The following PCDHA2 variants were observed in gnomAD, a reference collection of about 807,000 sequenced individuals.
PCDHA2 encodes protocadherin alpha 2.
A neutral mutation model predicts 66.0 loss-of-function variants in PCDHA2; 58 were observed. The observed-to-expected ratio is 0.88, with a 90% CI of 0.71 to 1.09. PCDHA2 has a LOEUF of 1.09. PCDHA2 is among the 50% of genes least tolerant of loss of function. The probability of loss-of-function intolerance (pLI) is 0.00; values close to 1 mark genes in which losing one functional copy is unlikely to be tolerated. For missense variants in PCDHA2, 1,267 were observed against 1,242.3 expected (o/e 1.02, Z -0.30); for synonymous variants, 634 against 554.0 (o/e 1.14, Z -2.03).
chr5:140,845,640 T>C (rs1256673286), intron 1 of PCDHA2, among the ~76,000 whole-genome samples: 1 of 149,636 alleles, frequency 6.7e-6, no homozygotes, highest in Non-Finnish European at 1.5e-5. Flanking sequence ...AATCAAGTCC[T>C]CCCTTTACCA....
intron 1 of PCDHA2, among the ~76,000 whole-genome samples, chr5:140,855,328 G>C (rs1554147750): frequency 6.7e-6 from 1 of 149,766 alleles, no homozygotes; most frequent in East Asian, 1.9e-4. Context: ...GGAGGGAGAG[G>C]TTAAACGATT....
intron 1 of PCDHA2, chr5:140,811,762 A>G (rs1293398991): frequency 2.0e-5 from 3 of 152,124 alleles, no homozygotes; most frequent in African/African-American, 7.2e-5. Context: ...GATGATGGGC[A>G]TTTTTTCATG....
intron 1 of PCDHA2, chr5:140,824,244 A>AC: frequency 6.8e-7 from 1 of 1,468,334 alleles, no homozygotes; most frequent in Non-Finnish European, 9.4e-7. Context: ...ATATTGTGGT[A>AC]CACAATTATT....
chr5:140,876,455 C>G, intron 1 of PCDHA2: 1 of 1,613,992 alleles, frequency 6.2e-7, no homozygotes, highest in Non-Finnish European at 8.5e-7. Context: ...AAAGGGATTC[C>G]TTCCATGGCA....
chr5:140,893,150 A>G (rs1398784015), intron 1 of PCDHA2, among the ~76,000 whole-genome samples: 1 of 152,066 alleles, frequency 6.6e-6, no homozygotes, highest in Non-Finnish European at 1.5e-5. Context: ...TCATCTGTTG[A>G]TGGATATTGA....
intron 1 of PCDHA2, among the ~76,000 whole-genome samples, chr5:140,912,858 A>G (rs1554195572): frequency 6.6e-6 from 1 of 152,192 alleles, no homozygotes; most frequent in East Asian, 1.9e-4. Context: ...ATCAATTGAA[A>G]TGATATATGG....
chr5:140,863,300 C>T (rs1554158081), intron 1 of PCDHA2: 1 of 1,463,972 alleles, frequency 6.8e-7, no homozygotes, highest in Admixed American at 1.8e-5. Flanking sequence ...CTGATCATCG[C>T]CATCTGCGTG....
intron 1 of PCDHA2, among the ~76,000 whole-genome samples, chr5:140,838,633 T>C (rs1417814088): frequency 6.6e-6 from 1 of 151,988 alleles, no homozygotes; most frequent in Non-Finnish European, 1.5e-5. Flanking sequence ...AATAATTTGG[T>C]TGGTCAAAAA....
At chr5:140,866,852 C>T (rs1004486221) in intron 1 of PCDHA2, 1 of 152,106 alleles carries the variant, frequency 6.6e-6, no homozygotes, top group Non-Finnish European at 1.5e-5. Flanking sequence ...TTAACAATAA[C>T]TGTATTGAAA....
intron 1 of PCDHA2, among the ~76,000 whole-genome samples, chr5:140,840,787 C>T (rs1335251358): frequency 6.6e-6 from 1 of 151,984 alleles, no homozygotes; most frequent in South Asian, 2.1e-4. Context: ...GAATTATATG[C>T]TCACCTCAGA....
At chr5:140,911,560 A>T (rs1554194794) in intron 1 of PCDHA2, among the ~76,000 whole-genome samples, 2 of 152,170 alleles carry the variant, frequency 1.3e-5, no homozygotes, top group Non-Finnish European at 2.9e-5. Flanking sequence ...ATTTTCTTTC[A>T]TCACTTTGTC....
rs1330292023 is a variant in PCDHA2, at chr5:140,830,082, C to A, written c.2388+32730C>A. 1.2e-5 allele frequency: 19 copies of A among 1,613,566 alleles called. No homozygotes were observed. Among genetic ancestry groups the A allele is most frequent in the Non-Finnish European group, 1.5e-5 (18 of 1,179,846 alleles). On this transcript the variant is annotated intron_variant, in intron 1 of 3. Transcript: ENST00000526136. ...GAGCCGGCGCTGACAGCGACGGCCACGGTTCTGGTGTCGCTGGTGGAGAGT... is the reference window on the plus strand; with the variant it reads ...GAGCCGGCGCTGACAGCGACGGCCAAGGTTCTGGTGTCGCTGGTGGAGAGT...
intron 1 of PCDHA2, chr5:140,882,580 C>T (rs371338305): frequency 1.2e-6 from 2 of 1,614,126 alleles, no homozygotes; most frequent in African/African-American, 2.7e-5. Context: ...AGTGCAGCAT[C>T]CACCTGGAGG....
chr5:140,955,658 AT>A (rs1187332497), intron 1 of PCDHA2, among the ~76,000 whole-genome samples: 1 of 152,156 alleles, frequency 6.6e-6, no homozygotes, highest in African/African-American at 2.4e-5. Flanking sequence ...ACACATATGA[AT>A]TTTAACATAG....
intron 1 of PCDHA2, among the ~76,000 whole-genome samples, chr5:140,913,536 C>A (rs949214910): frequency 4.6e-5 from 7 of 151,882 alleles, no homozygotes; most frequent in Non-Finnish European, 8.8e-5. Context: ...AAAAGATTGA[C>A]TTTTTGTTTT....
intron 1 of PCDHA2, chr5:140,863,615 T>C (rs1290782399): frequency 1.2e-5 from 4 of 339,092 alleles, no homozygotes; most frequent in South Asian, 4.8e-5. Context: ...ATGTCCCTCA[T>C]AGTGACATTG....
intron 1 of PCDHA2, chr5:140,836,178 G>T (rs2150254808): frequency 1.2e-6 from 2 of 1,613,826 alleles, no homozygotes; most frequent in Non-Finnish European, 1.7e-6. Context: ...TGCAGTTGAC[G>T]CTGACTCAGG....
intron 1 of PCDHA2, chr5:140,853,308 C>G: frequency 3.1e-6 from 3 of 983,184 alleles, no homozygotes; most frequent in Non-Finnish European, 3.7e-6. Flanking sequence ...CTGTGAACAC[C>G]TTAGTAATAA....
chr5:140,916,687 T>G (rs265312), intron 1 of PCDHA2, among the ~76,000 whole-genome samples: 87,944 of 152,010 alleles, frequency 0.58, 26,395 homozygotes, highest in African/African-American at 0.75. Flanking sequence ...TTTACTCTTT[T>G]CTCTCCTCTC....
Sources: allele counts gnomAD v4.1 joint callset (sites outside exome capture counted in the v4.1 genomes callset), GRCh38; gene constraint gnomAD v4.1.1; transcripts MANE v1.5; gene names NCBI Gene and HGNC (gene_info 2026-07-23, HGNC 2026-07-21).